The following VAV2 variants were observed in gnomAD, a reference collection of about 807,000 sequenced individuals.
VAV2 encodes the protein guanine nucleotide exchange factor VAV2.
A neutral mutation model predicts 132.5 loss-of-function variants in VAV2; 67 were observed. The observed-to-expected ratio is 0.51, with a 90% CI of 0.42 to 0.62. The LOEUF is 0.62. Among genes scored for constraint, VAV2 ranks in the 20% least tolerant of loss-of-function variants. The pLI is 0.00. For synonymous variants in VAV2, 492 were observed against 443.5 expected, an observed-to-expected ratio of 1.11 and a Z score of -1.37; for missense variants, 938 against 1,153.6, an observed-to-expected ratio of 0.81 and a Z score of 2.71.
At chr9:133,771,429 G>A (rs546110481) in intron 26 of VAV2, among the ~76,000 whole-genome samples, 3 of 152,142 alleles carry the variant, frequency 2.0e-5, no homozygotes, top group Non-Finnish European at 2.9e-5. Flanking sequence ...CTAAGAGCCT[G>A]GGGGCTCTAA....
intron 4 of VAV2, among the ~76,000 whole-genome samples, chr9:133,813,093 A>G (rs2131706253): frequency 6.6e-6 from 1 of 152,214 alleles, no homozygotes; most frequent in South Asian, 2.1e-4. Flanking sequence ...AGCCAATCCA[A>G]CCACCCCCTG....
chr9:133,992,202 G>A lies in VAV2; in HGVS notation c.77C>T (p.Pro26Leu), dbSNP rs774697864. The A allele has an allele frequency of 6.3e-7, 1 of 1,597,582 alleles. No individual in the cohort carries two copies. Among genetic ancestry groups the A allele is most frequent in the South Asian group, 1.1e-5 (1 of 89,354 alleles). ...CGCCAGGTCGAAGACCACGGCCGAG[G>A]GCCACACCACCCGGTGGTTGGGCGG... is the stretch of plus-strand genomic sequence containing the variant. ...VLPPNHRVVW[P>L]SAVVFDLAQA... Residue 26 changes from proline to leucine, a missense_variant, in exon 1 of 30, where the codon CCC (proline) becomes CTC (leucine). Pro to Leu is a moderately conservative substitution (Grantham distance 98, BLOSUM62 -3). Coordinates refer to ENST00000371850, the MANE Select transcript of VAV2 (RefSeq NM_001134398.2). The surrounding 1 kb of genome is among the most constrained non-coding windows in gnomAD (Gnocchi z 5.5).
chr9:133,906,113 G>A (rs1265046038), intron 2 of VAV2, among the ~76,000 whole-genome samples: 1 of 152,176 alleles, frequency 6.6e-6, no homozygotes, highest in Non-Finnish European at 1.5e-5. Flanking sequence ...GGTAAGTCTG[G>A]AGGTATCGGC....
chr9:133,922,575 G>C (rs1053400398), intron 2 of VAV2, among the ~76,000 whole-genome samples: 2 of 152,194 alleles, frequency 1.3e-5, no homozygotes, highest in African/African-American at 4.8e-5. Context: ...TTCTCACAAA[G>C]ATTCCAAGGC....
chr9:133,802,279 C>T lies in VAV2; in HGVS notation c.836+3802G>A, dbSNP rs1834958188. On this transcript the variant is annotated intron_variant, in intron 9 of 29. Coordinates refer to ENST00000371850, the MANE Select transcript of VAV2 (RefSeq NM_001134398.2). This position sits in a 1 kb window ranked among gnomAD's most constrained non-coding sequence, Gnocchi z 5.8. The stretch of plus-strand genomic sequence containing the variant: ...ACACACACGGGCACACATGTATGCA[C>T]ACACACACACATGCATGTGCACACA... Among the ~76,000 whole-genome samples, 1 of 106,080 alleles carries T rather than the reference C, an allele frequency of 9.4e-6. No homozygotes were observed. Among genetic ancestry groups the T allele is most frequent in the Admixed American group, 8.8e-5 (1 of 11,322 alleles). 69.6% of individuals were successfully genotyped at this position (106,080 alleles called of 152,430 possible).
At chr9:133,947,083 C>A (rs966209113) in intron 1 of VAV2, among the ~76,000 whole-genome samples, 1 of 152,188 alleles carries the variant, frequency 6.6e-6, no homozygotes, top group African/African-American at 2.4e-5. Flanking sequence ...AAGGGCCCTG[C>A]TTTCTCCTCA....
rs1355867946 is a variant in VAV2 at position 133,824,001 on chromosome 9, T to C, written c.449+10271A>G. 6.6e-6 allele frequency among the ~76,000 whole-genome samples: 1 copy of C among 150,380 alleles called. No individual in the cohort carries two copies. The highest frequency in any genetic ancestry group is 1.5e-5 in the Non-Finnish European group (1 of 67,580). Reference sequence around the variant, plus strand: ...CAGTGGTGGGGGTGGGGGAGCAGGGTTTCGAGGTCACTGAAGCCCCCAGCC... The same window carrying C: ...CAGTGGTGGGGGTGGGGGAGCAGGGCTTCGAGGTCACTGAAGCCCCCAGCC... On this transcript the variant is annotated intron_variant, in intron 4 of 29. Coordinates refer to ENST00000371850, the MANE Select transcript of VAV2 (RefSeq NM_001134398.2). This position sits in a 1 kb window ranked among gnomAD's most constrained non-coding sequence, Gnocchi z 5.2.
chr9:133,866,125 GC>G (rs1837788595), intron 2 of VAV2, among the ~76,000 whole-genome samples: 1 of 151,762 alleles, frequency 6.6e-6, no homozygotes, highest in South Asian at 2.1e-4. Flanking sequence ...TAGGGCCCAA[GC>G]CCTAGGGTGG....
chr9:133,802,352 ACAC>A lies in VAV2; in HGVS notation c.836+3726_836+3728del, dbSNP rs1215287761. The stretch of plus-strand genomic sequence containing the variant: ...CACACACACACACACACACACACAC[ACAC>A]GACTTCATGCATTCCTGGTCTGGTT... On this transcript the variant is annotated intron_variant, in intron 9 of 29. Transcript: ENST00000371850. The surrounding 1 kb of genome is among the most constrained non-coding windows in gnomAD (Gnocchi z 5.8). Among the ~76,000 whole-genome samples, 1 of 147,856 alleles carries A rather than the reference ACAC, an allele frequency of 6.8e-6. No individual in the cohort carries two copies. The highest frequency in any genetic ancestry group is 2.6e-5 in the African/African-American group (1 of 38,092).
At position 133,779,907 on chromosome 9, in the gene VAV2, A is replaced by T; in HGVS notation, c.1762+11T>A. 1 of 1,611,696 alleles carries T rather than the reference A, an allele frequency of 6.2e-7. No individual in the cohort carries two copies. Among genetic ancestry groups the T allele is most frequent in the Non-Finnish European group, 8.5e-7 (1 of 1,179,326 alleles). The stretch of plus-strand genomic sequence containing the variant: ...GGGTGATAGCAGAGGGCCCAGGTCC[A>T]GAAGACTCACCTGGTCCCGCTCCGG... On this transcript the variant is annotated intron_variant, in intron 21 of 29. Coordinates refer to ENST00000371850, the MANE Select transcript of VAV2 (RefSeq NM_001134398.2).
chr9:133,882,618 C>A (rs1014974753), intron 2 of VAV2, among the ~76,000 whole-genome samples: 2 of 151,986 alleles, frequency 1.3e-5, no homozygotes, highest in African/African-American at 2.4e-5. Context: ...GTGGCCCTGC[C>A]GACAACACCT....
chr9:133,906,326 G>A (rs1195596322), intron 2 of VAV2, among the ~76,000 whole-genome samples: 2 of 152,208 alleles, frequency 1.3e-5, no homozygotes, highest in African/African-American at 4.8e-5. Flanking sequence ...ACATCTCCCA[G>A]TGTGGGAGGA....
chr9:133,936,514 G>A (rs2519809), intron 2 of VAV2, among the ~76,000 whole-genome samples: 133,144 of 152,194 alleles, frequency 0.87, 59,077 homozygotes, highest in East Asian at 0.97. Context: ...AAGTGCTCAG[G>A]TTACAGGCGT....
rs972089719 is a variant in VAV2, at chr9:133,961,503, G to A, written c.205-22284C>T. Among the ~76,000 whole-genome samples the A allele has an allele frequency of 6.6e-6, 1 of 152,150 alleles. No individual in the cohort carries two copies. The highest frequency in any genetic ancestry group is 2.4e-5 in the African/African-American group (1 of 41,434). On this transcript the variant is annotated intron_variant, in intron 1 of 29. Coordinates refer to ENST00000371850, the MANE Select transcript of VAV2 (RefSeq NM_001134398.2). The surrounding 1 kb of genome is among the most constrained non-coding windows in gnomAD (Gnocchi z 4.1). The stretch of plus-strand genomic sequence containing the variant: ...GTCGGGTTTCAGTGACCCAAGGTCA[G>A]AGGCATGGAGGGAGCCCTTTCCCAC...
chr9:133,860,682 G>A (rs1025918620), intron 3 of VAV2, among the ~76,000 whole-genome samples: 6 of 143,494 alleles, frequency 4.2e-5, no homozygotes, highest in African/African-American at 1.5e-4. Context: ...CACCCTGCTG[G>A]CCCCTGTCCT....
chr9:133,913,683 C>G (rs1273497159), intron 2 of VAV2, among the ~76,000 whole-genome samples: 1 of 152,224 alleles, frequency 6.6e-6, no homozygotes, highest in Non-Finnish European at 1.5e-5. Flanking sequence ...GGGGCAAAGT[C>G]AGGGCAAACA....
intron 3 of VAV2, among the ~76,000 whole-genome samples, chr9:133,843,526 G>A (rs1206692551): frequency 6.6e-6 from 1 of 152,126 alleles, no homozygotes. Context: ...CTTTGTATAA[G>A]ACAGGCTAGA....
chr9:133,898,307 G>A (rs1839296872), intron 2 of VAV2, among the ~76,000 whole-genome samples: 1 of 151,986 alleles, frequency 6.6e-6, no homozygotes, highest in African/African-American at 2.4e-5. Context: ...AGACTTTTTA[G>A]GGCGGATGTG....
At chr9:133,930,403 G>A (rs1840642146) in intron 2 of VAV2, among the ~76,000 whole-genome samples, 1 of 151,328 alleles carries the variant, frequency 6.6e-6, no homozygotes, top group African/African-American at 2.4e-5. Flanking sequence ...CCTCCACACT[G>A]GCTCCTAGCA....
Sources: gnomAD v4.1 joint callset for allele counts (sites outside exome capture counted in the v4.1 genomes callset) on GRCh38, gnomAD v4.1.1 for gene constraint, Gnocchi (gnomAD v3.1) non-coding constraint, MANE v1.5 for transcripts, NCBI Gene and HGNC (gene_info 2026-07-23, HGNC 2026-07-21) for gene names.